The following DLG2 variants were observed in gnomAD, a reference collection of about 807,000 sequenced individuals.
DLG2 encodes the protein disks large homolog 2.
In DLG2, 45 loss-of-function variants were observed where a neutral mutation model predicts 132.5. The ratio of observed to expected loss-of-function variants is 0.34; its 90% CI spans 0.27 to 0.44. The LOEUF is 0.44. Among genes scored for constraint, DLG2 ranks in the 20% least tolerant of loss-of-function variants. DLG2 has a pLI of 1.00. For synonymous variants in DLG2, 424 were observed against 419.6 expected (o/e 1.01, Z -0.13); for missense variants, 1,045 against 1,196.9 (o/e 0.87, Z 1.87).
intron 6 of DLG2, among the ~76,000 whole-genome samples, chr11:84,546,285 C>T (rs1375370542): frequency 6.6e-6 from 1 of 152,124 alleles, no homozygotes; most frequent in Non-Finnish European, 1.5e-5. Flanking sequence ...AGCATCTCCC[C>T]TGCCCTCTCT....
chr11:84,040,542 A>T (rs1280214093), intron 11 of DLG2, among the ~76,000 whole-genome samples: 3 of 151,874 alleles, frequency 2.0e-5, no homozygotes, highest in Admixed American at 6.6e-5. Flanking sequence ...GATATGCGGC[A>T]TTATTTCTGA....
intron 6 of DLG2, among the ~76,000 whole-genome samples, chr11:85,098,675 GATTAC>G (rs1269374032): frequency 2.0e-5 from 3 of 152,084 alleles, no homozygotes; most frequent in African/African-American, 7.2e-5. Context: ...ATTTAAATGT[GATTAC>G]ATTATGCAAA....
intron 17 of DLG2, among the ~76,000 whole-genome samples, chr11:83,833,294 C>A (rs1436425437): frequency 2.0e-5 from 3 of 152,008 alleles, no homozygotes; most frequent in African/African-American, 7.2e-5. Context: ...AAAAATTAGT[C>A]GGATGTGGCG....
chr11:84,388,318 C>A (rs2098779362), intron 7 of DLG2, among the ~76,000 whole-genome samples: 1 of 150,784 alleles, frequency 6.6e-6, no homozygotes, highest in African/African-American at 2.4e-5. Flanking sequence ...AAGAATCTAT[C>A]AAAAAAAAAC....
intron 3 of DLG2, among the ~76,000 whole-genome samples, chr11:85,545,870 T>C (rs2153215743): frequency 6.6e-6 from 1 of 152,274 alleles, no homozygotes; most frequent in Admixed American, 6.5e-5. Flanking sequence ...ATCTATTTGA[T>C]TCTTCTCTCT....
At chr11:83,748,227 G>A (rs1235221800) in intron 18 of DLG2, among the ~76,000 whole-genome samples, 1 of 152,132 alleles carries the variant, frequency 6.6e-6, no homozygotes, top group Non-Finnish European at 1.5e-5. Context: ...CACTTGACAT[G>A]TTCTCCCAGG....
At chr11:84,120,822 A>G (rs2093875267) in intron 9 of DLG2, among the ~76,000 whole-genome samples, 1 of 152,204 alleles carries the variant, frequency 6.6e-6, no homozygotes, top group Non-Finnish European at 1.5e-5. Context: ...TTTTGAGCTG[A>G]GTTTAAAAGC....
chr11:84,947,373 G>A (rs554388281), intron 6 of DLG2, among the ~76,000 whole-genome samples: 1 of 152,280 alleles, frequency 6.6e-6, no homozygotes, highest in South Asian at 2.1e-4. Context: ...GCTCAAAATG[G>A]TGATGACTTG....
At chr11:84,396,450 A>G (rs2098811351) in intron 7 of DLG2, among the ~76,000 whole-genome samples, 1 of 152,262 alleles carries the variant, frequency 6.6e-6, no homozygotes, top group Non-Finnish European at 1.5e-5. Context: ...ATCATGTACC[A>G]GACAGCACAA....
intron 14 of DLG2, among the ~76,000 whole-genome samples, chr11:83,941,222 G>A (rs1180229769): frequency 6.6e-6 from 1 of 151,886 alleles, no homozygotes; most frequent in South Asian, 2.1e-4. Context: ...AATTTAACTG[G>A]GCATCCTTAT....
intron 7 of DLG2, among the ~76,000 whole-genome samples, chr11:84,407,212 C>G (rs1478916685): frequency 6.6e-6 from 1 of 152,104 alleles, no homozygotes; most frequent in Non-Finnish European, 1.5e-5. Context: ...ACCTGGAAGT[C>G]TGTCTCGCTT....
At chr11:84,364,232 T>G (rs1238705199) in intron 7 of DLG2, among the ~76,000 whole-genome samples, 1 of 152,052 alleles carries the variant, frequency 6.6e-6, no homozygotes, top group Non-Finnish European at 1.5e-5. Context: ...TCACATCCCT[T>G]GTAAGTTGGA....
chr11:84,556,680 G>T (rs966772388), intron 6 of DLG2, among the ~76,000 whole-genome samples: 2 of 152,134 alleles, frequency 1.3e-5, no homozygotes, highest in African/African-American at 2.4e-5. Flanking sequence ...CTGTTCCCCA[G>T]ATTACACATG....
intron 3 of DLG2, among the ~76,000 whole-genome samples, chr11:85,559,764 A>C (rs1174246718): frequency 6.6e-6 from 1 of 151,540 alleles, no homozygotes; most frequent in African/African-American, 2.4e-5. Flanking sequence ...AGGTATCTTA[A>C]ATCTCAAAAT....
intron 4 of DLG2, among the ~76,000 whole-genome samples, chr11:85,216,048 G>A (rs2082570882): frequency 6.6e-6 from 1 of 150,604 alleles, no homozygotes; most frequent in Non-Finnish European, 1.5e-5. Flanking sequence ...CTGGCACAAT[G>A]ATGTGCATTT....
At chr11:85,020,957 A>G (rs554297382) in intron 6 of DLG2, 42 of 777,196 alleles carry the variant, frequency 5.4e-5, no homozygotes, top group African/African-American at 2.2e-4. Flanking sequence ...CATTAGTCTC[A>G]TCTTTCTTCA....
chr11:83,513,629 C>G (rs2095156946), intron 21 of DLG2, among the ~76,000 whole-genome samples: 2 of 152,122 alleles, frequency 1.3e-5, no homozygotes, highest in Admixed American at 6.5e-5. Context: ...ATGGTATTGC[C>G]TAGGTTTTCT....
intron 3 of DLG2, among the ~76,000 whole-genome samples, chr11:85,544,666 C>G (rs950160232): frequency 1.3e-5 from 2 of 152,028 alleles, no homozygotes; most frequent in African/African-American, 4.8e-5. Context: ...CTTTTATTTC[C>G]TTGAGCAGTG....
intron 19 of DLG2, among the ~76,000 whole-genome samples, chr11:83,596,835 T>C (rs2057672547): frequency 6.6e-6 from 1 of 152,196 alleles, no homozygotes; most frequent in Non-Finnish European, 1.5e-5. Flanking sequence ...TTCTGGTTAT[T>C]CTTCCTAATC....
Sources: allele counts gnomAD v4.1 joint callset (sites outside exome capture counted in the v4.1 genomes callset), GRCh38; gene constraint gnomAD v4.1.1; transcripts MANE v1.5; gene names NCBI Gene and HGNC (gene_info 2026-07-23, HGNC 2026-07-21).